Variants in ZBTB16 observed in about 807,000 individuals in gnomAD.
The protein encoded by ZBTB16 is zinc finger and BTB domain-containing protein 16.
Under a neutral mutation model 56.8 loss-of-function variants are expected in ZBTB16, and 8 were observed. The ratio of observed to expected loss-of-function variants is 0.14; its 90% confidence interval spans 0.08 to 0.25. The LOEUF (loss-of-function observed/expected upper bound fraction) is 0.25. ZBTB16 is among the 10% of genes least tolerant of loss of function. The pLI is 1.00. For missense variants in ZBTB16, 625 were observed against 903.0 expected (o/e 0.69, Z 3.95); for synonymous variants, 363 against 368.5 (o/e 0.98, Z 0.17).
chr11:114,133,775 T>C (rs1195700117), intron 2 of ZBTB16, among the ~76,000 whole-genome samples: 1 of 152,138 alleles, frequency 6.6e-6, no homozygotes, highest in Non-Finnish European at 1.5e-5. Context: ...GTGGCACAGG[T>C]GTTCCACTGG....
At chr11:114,128,823 A>G (rs547276671) in intron 2 of ZBTB16, among the ~76,000 whole-genome samples, 2 of 152,124 alleles carry the variant, frequency 1.3e-5, no homozygotes, top group African/African-American at 2.4e-5. Flanking sequence ...CTGATGTGCT[A>G]TTTATCCTGC....
chr11:114,235,649 T>C (rs953529024), intron 4 of ZBTB16, among the ~76,000 whole-genome samples: 3 of 22,410 alleles, frequency 1.3e-4, no homozygotes, highest in African/African-American at 3.3e-4. Context: ...TTTCTTTCTT[T>C]CTTTCTTTCT....
At chr11:114,223,329 A>G (rs1944272540) in intron 4 of ZBTB16, among the ~76,000 whole-genome samples, 1 of 152,202 alleles carries the variant, frequency 6.6e-6, no homozygotes. Flanking sequence ...CGCACGTATT[A>G]AAAGATATGG....
intron 2 of ZBTB16, among the ~76,000 whole-genome samples, chr11:114,111,438 A>C (rs1411461659): frequency 6.6e-6 from 1 of 152,170 alleles, no homozygotes; most frequent in Non-Finnish European, 1.5e-5. Flanking sequence ...AATAGAGAGA[A>C]AGAGAGAAAC....
intron 4 of ZBTB16, among the ~76,000 whole-genome samples, chr11:114,220,701 A>G (rs1944212308): frequency 6.6e-6 from 1 of 152,186 alleles, no homozygotes; most frequent in Non-Finnish European, 1.5e-5. Flanking sequence ...ATTTTTCTCC[A>G]TTGCCTTGCA....
At chr11:114,184,010 T>C (rs1467127420) in intron 3 of ZBTB16, among the ~76,000 whole-genome samples, 4 of 152,236 alleles carry the variant, frequency 2.6e-5, no homozygotes, top group African/African-American at 9.6e-5. Flanking sequence ...CATGGGATTC[T>C]CCCTGCCTCC....
At chr11:114,203,601 A>G (rs901998805) in intron 4 of ZBTB16, among the ~76,000 whole-genome samples, 1 of 151,188 alleles carries the variant, frequency 6.6e-6, no homozygotes, top group Admixed American at 6.6e-5. Context: ...CAACAAAAAC[A>G]TTAAAAGGGT....
intron 4 of ZBTB16, chr11:114,187,817 AGCTCCTCCTC>A (rs1943398523): frequency 6.5e-6 from 1 of 153,148 alleles, no homozygotes; most frequent in Non-Finnish European, 1.5e-5. Context: ...TTACCACCTG[AGCTCCTCCTC>A]ATGTCAGAGC....
chr11:114,188,240 A>G (rs667182), intron 4 of ZBTB16: 94,857 of 151,996 alleles, frequency 0.62, 30,492 homozygotes, highest in African/African-American at 0.77. Context: ...TCTCTCAGTA[A>G]CCCTGTAAGG....
intron 2 of ZBTB16, among the ~76,000 whole-genome samples, chr11:114,079,100 TAAAA>T (rs10609677): frequency 2.2e-5 from 3 of 137,174 alleles, no homozygotes; most frequent in Non-Finnish European, 3.2e-5. Flanking sequence ...TTTGTCTCAT[TAAAA>T]AAAAAAAAAG....
At chr11:114,151,128 G>A (rs1942268428) in intron 2 of ZBTB16, among the ~76,000 whole-genome samples, 2 of 152,166 alleles carry the variant, frequency 1.3e-5, no homozygotes, top group Non-Finnish European at 2.9e-5. Flanking sequence ...TCAAATTGAT[G>A]GTCATAGGAT....
intron 3 of ZBTB16, among the ~76,000 whole-genome samples, chr11:114,160,191 A>G (rs1369994686): frequency 1.3e-5 from 2 of 152,030 alleles, no homozygotes; most frequent in Non-Finnish European, 2.9e-5. Flanking sequence ...CCTGGCTGCG[A>G]GCCAGACTTG....
At chr11:114,067,442 T>C (rs2137663148) in intron 2 of ZBTB16, among the ~76,000 whole-genome samples, 2 of 152,292 alleles carry the variant, frequency 1.3e-5, no homozygotes, top group Middle Eastern at 6.8e-3. Flanking sequence ...AGTCTTACTC[T>C]GTCGCCCAGG....
In ZBTB16 at chr11:114,255,250, G is replaced by T. The variant is rs914512094; in HGVS notation, c.*4695G>T. 2.6e-5 allele frequency among the ~76,000 whole-genome samples: 4 copies of T among 152,102 alleles called. No homozygotes were observed. Among genetic ancestry groups the T allele is most frequent in the African/African-American group, 9.7e-5 (4 of 41,420 alleles). On this transcript the variant is annotated 3_prime_UTR_variant, in exon 7 of 7. Coordinates refer to ENST00000335953, the MANE Select transcript of ZBTB16 (RefSeq NM_006006.6). ...TTGTGGCTTGTCTTATGTCGTGATAGCACAAGTGCCAGTCGGATTGCTCTG... is the reference window on the plus strand; with the variant it reads ...TTGTGGCTTGTCTTATGTCGTGATATCACAAGTGCCAGTCGGATTGCTCTG...
At chr11:114,088,227 T>G (rs1940034379) in intron 2 of ZBTB16, among the ~76,000 whole-genome samples, 1 of 150,144 alleles carries the variant, frequency 6.7e-6, no homozygotes, top group Non-Finnish European at 1.5e-5. Context: ...CTGCAGCCTC[T>G]GCCTCTTGGG....
chr11:114,190,273 C>T (rs1014210804), intron 4 of ZBTB16, among the ~76,000 whole-genome samples: 4 of 152,100 alleles, frequency 2.6e-5, no homozygotes, highest in Admixed American at 6.6e-5. Flanking sequence ...TGAGGCTCCT[C>T]GACTTACAAT....
rs71063549 is a variant in ZBTB16, at chr11:114,119,264, C to CAAAAAA, written c.1269-37050_1269-37045dup. On this transcript the variant is annotated intron_variant, in intron 2 of 6. Transcript: ENST00000335953. Reference sequence around the variant, plus strand: ...CGGGTGAGAGAGTGAAACTCTGTCTCAAAAAAAAAAAAAAAAAAAAAAAAA... The same window carrying CAAAAAA: ...CGGGTGAGAGAGTGAAACTCTGTCTCAAAAAAAAAAAAAAAAAAAAAAAAAAAAAAA... Among the ~76,000 whole-genome samples the CAAAAAA allele has an allele frequency of 5.2e-5, 3 of 57,216 alleles. 1 individual carries two copies. Among genetic ancestry groups the CAAAAAA allele is most frequent in the African/African-American group, 2.0e-4 (3 of 14,990 alleles). 37.5% of individuals were successfully genotyped at this position (57,216 alleles called of 152,430 possible). A position where few individuals can be genotyped will look rare whatever the true frequency, so the allele number is the denominator to read the frequency against.
Position 114,250,482 on chromosome 11 carries a change from A to G in ZBTB16, c.1949A>G (p.Lys650Arg). 1 of 1,614,134 alleles carries G rather than the reference A, an allele frequency of 6.2e-7. No individual in the cohort carries two copies. Among genetic ancestry groups the G allele is most frequent in the Non-Finnish European group, 8.5e-7 (1 of 1,180,024 alleles). The change falls in exon 7 of 7, where the codon AAG (lysine) becomes AGG (arginine). Residue 650 changes from lysine to arginine, a missense_variant. Lys to Arg is a conservative substitution (Grantham distance 26, BLOSUM62 2). Transcript: ENST00000335953. The surrounding 1 kb of genome is among the most constrained non-coding windows in gnomAD (Gnocchi z 6.0). The stretch of plus-strand genomic sequence containing the variant: ...CTCTCCTCCATGCAGAAGCACATGA[A>G]GGGCCACAAGCCCGAGGAGATCCCG... ...PSLSSMQKHM[K>R]GHKPEEIPPD...
Position 114,255,165 on chromosome 11 carries a change from C to T in ZBTB16, c.*4610C>T, listed in dbSNP as rs1944979533. Among the ~76,000 whole-genome samples the T allele has an allele frequency of 6.6e-6, 1 of 152,118 alleles. No homozygotes were observed. The highest frequency in any genetic ancestry group is 2.4e-5 in the African/African-American group (1 of 41,398). On this transcript the variant is annotated 3_prime_UTR_variant, in exon 7 of 7. Transcript: ENST00000335953. ...CTGAGGGCCCTGCTGCCCTGCTGGA[C>T]CAAGCAAAACTAAGCCTTTTGGTTT...
Sources: allele counts gnomAD v4.1 joint callset (sites outside exome capture counted in the v4.1 genomes callset), GRCh38; gene constraint gnomAD v4.1.1; non-coding constraint Gnocchi (gnomAD v3.1); transcripts MANE v1.5; gene names NCBI Gene and HGNC (gene_info 2026-07-23, HGNC 2026-07-21).